FECH: variants seen among roughly 807,000 people sequenced by gnomAD.
FECH encodes the protein ferrochelatase, mitochondrial.
In FECH, 40 loss-of-function variants were observed where a neutral mutation model predicts 56.9. The observed-to-expected ratio is 0.70, with a 90% CI of 0.55 to 0.92. The LOEUF (loss-of-function observed/expected upper bound fraction) is 0.92. FECH is among the 40% of genes least tolerant of loss of function. FECH has a pLI of 0.00. For synonymous variants in FECH, 175 were observed against 198.6 expected (o/e 0.88, Z 1.00); for missense variants, 431 against 529.1 (o/e 0.81, Z 1.82).
At chr18:57,584,190 A>C (rs1002961141) in intron 1 of FECH, among the ~76,000 whole-genome samples, 11 of 151,912 alleles carry the variant, frequency 7.2e-5, no homozygotes, top group Middle Eastern at 3.2e-3. Flanking sequence ...AAAAAAAAAA[A>C]AAAAGAAAAC....
intron 4 of FECH, among the ~76,000 whole-genome samples, chr18:57,570,357 A>T (rs575964091): frequency 6.6e-6 from 1 of 152,350 alleles, no homozygotes; most frequent in Non-Finnish European, 1.5e-5. Flanking sequence ...AAGCAAGCCG[A>T]ATATGCAGAA....
rs908147708 is a variant in FECH at position 57,545,491 on chromosome 18, G to A, written c.*5221C>T. On this transcript the variant is annotated 3_prime_UTR_variant, in exon 11 of 11. Coordinates refer to ENST00000262093, the MANE Select transcript of FECH (RefSeq NM_000140.5). The stretch of plus-strand genomic sequence containing the variant: ...AAGCAAAAGCATTTCTTTCTCTCAC[G>A]GGACCCCAGAATAGGAGGAATGTGT... Among the ~76,000 whole-genome samples, 10 of 152,132 alleles carry A rather than the reference G, an allele frequency of 6.6e-5. No homozygotes were observed. The highest frequency in any genetic ancestry group is 1.3e-4 in the Non-Finnish European group (9 of 68,024).
intron 2 of FECH, among the ~76,000 whole-genome samples, chr18:57,579,436 T>C (rs960363121): frequency 1.2e-4 from 19 of 152,006 alleles, no homozygotes; most frequent in African/African-American, 4.6e-4. Context: ...GCTGTTTCTA[T>C]GTACTCATCT....
rs2051383453 is a variant in FECH at position 57,586,679 on chromosome 18, C to T, written c.-59G>A. ...TCCCGCGGCGGCGCGCCCAGGTGTC[C>T]GCCCAGCAGTGGCCGAGCCGGGTAG... On this transcript the variant is annotated 5_prime_UTR_variant, in exon 1 of 11. Transcript: ENST00000262093. The T allele has an allele frequency of 2.8e-6, 4 of 1,444,136 alleles. No homozygotes were observed. The highest frequency in any genetic ancestry group is 2.6e-5 in the South Asian group (2 of 77,096). The allele number at this position is 1,444,136 out of a possible 1,614,324, so 89.5% of individuals were successfully genotyped here. A position where few individuals can be genotyped will look rare whatever the true frequency, so the allele number is the denominator to read the frequency against.
rs1340326157 is a variant in FECH at position 57,573,384 on chromosome 18, A to G, written c.195-19T>C. 6.2e-7 allele frequency: 1 copy of G among 1,613,742 alleles called. No homozygotes were observed. The highest frequency in any genetic ancestry group is 1.3e-5 in the African/African-American group (1 of 74,902). On this transcript the variant is annotated intron_variant, in intron 2 of 10. Coordinates refer to ENST00000262093, the MANE Select transcript of FECH (RefSeq NM_000140.5). ...CGGCTTCCTATATAAAATAAAATACAACGGTTGATTTGTCACACTTCTTAT... is the reference window on the plus strand; with the variant it reads ...CGGCTTCCTATATAAAATAAAATACGACGGTTGATTTGTCACACTTCTTAT...
chr18:57,585,604 A>G lies in FECH; in HGVS notation c.67+950T>C. 1.3e-5 allele frequency among the ~76,000 whole-genome samples: 2 copies of G among 152,176 alleles called. 1 individual carries two copies. Among genetic ancestry groups the G allele is most frequent in the East Asian group, 3.9e-4 (2 of 5,190 alleles). On this transcript the variant is annotated intron_variant, in intron 1 of 10. Coordinates refer to ENST00000262093, the MANE Select transcript of FECH (RefSeq NM_000140.5). ...TCCTTAGTATTTTCCTAACAAAGGC[A>G]CGTCTAATGAGATATGGAGGTTCAG...
chr18:57,571,651 G>A (rs764732724), intron 3 of FECH, 111 bp from the exon 4 acceptor site: 1 of 1,513,434 alleles, frequency 6.6e-7, no homozygotes, highest in Admixed American at 1.8e-5. Context: ...AGCCTAACAA[G>A]ATTAAGCCTT....
intron 4 of FECH, among the ~76,000 whole-genome samples, chr18:57,569,249 C>A (rs2051061448): frequency 6.6e-6 from 1 of 152,144 alleles, no homozygotes; most frequent in Non-Finnish European, 1.5e-5. Flanking sequence ...TACATTTCTG[C>A]AATGCAATGT....
At chr18:57,558,047 G>C (rs982411843) in intron 7 of FECH, among the ~76,000 whole-genome samples, 2 of 152,248 alleles carry the variant, frequency 1.3e-5, no homozygotes, top group African/African-American at 2.4e-5. Context: ...AAAATCTGCA[G>C]AGGCTTGGCC....
Position 57,548,432 on chromosome 18 carries a change from CTCA to C in FECH, c.*2277_*2279del, listed in dbSNP as rs2050748555. The stretch of plus-strand genomic sequence containing the variant: ...TCATCACCCTGGCAAGCTAAACTGC[CTCA>C]TCAACACTGTCCCTGCAAAAGTTTC... On this transcript the variant is annotated 3_prime_UTR_variant, in exon 11 of 11. Transcript: ENST00000262093. The C allele has an allele frequency of 6.6e-6, 1 of 152,112 alleles. No homozygotes were observed. The highest frequency in any genetic ancestry group is 2.1e-4 in the South Asian group (1 of 4,820). 9.4% of individuals were successfully genotyped at this position (152,112 alleles called of 1,614,324 possible). A position where few individuals can be genotyped will look rare whatever the true frequency, so the allele number is the denominator to read the frequency against.
chr18:57,586,448 G>T, intron 1 of FECH, 106 bp downstream of exon 1: 2 of 1,263,142 alleles, frequency 1.6e-6, no homozygotes, highest in Non-Finnish European at 1.1e-6. Context: ...CCCCAAGGCC[G>T]CTCCCCGAAT....
At chr18:57,566,884 G>A (rs1179046909) in intron 4 of FECH, among the ~76,000 whole-genome samples, 1 of 152,028 alleles carries the variant, frequency 6.6e-6, no homozygotes, top group African/African-American at 2.4e-5. Context: ...AGAGCCTCAA[G>A]AGAAAGGAGG....
At position 57,544,795 on chromosome 18, in the gene FECH, C is replaced by A. The variant is rs1172996719; in HGVS notation, c.*5917G>T. Among the ~76,000 whole-genome samples, 1 of 152,038 alleles carries A rather than the reference C, an allele frequency of 6.6e-6. No individual in the cohort carries two copies. The highest frequency in any genetic ancestry group is 2.4e-5 in the African/African-American group (1 of 41,392). On this transcript the variant is annotated 3_prime_UTR_variant, in exon 11 of 11. Transcript: ENST00000262093. ...CGTTTTTCCCATCACTTTCTTAAGT[C>A]TAAATAATCAACGACAAAAAAAAGG...
intron 6 of FECH, 43 bp from the exon 7 acceptor site, chr18:57,559,286 A>G (rs746222451): frequency 2.3e-6 from 3 of 1,291,028 alleles, no homozygotes; most frequent in Admixed American, 1.7e-5. Flanking sequence ...GAAGGGAAGA[A>G]AGAAATGGAA....
intron 6 of FECH, among the ~76,000 whole-genome samples, chr18:57,561,498 T>C (rs983693294): frequency 2.6e-5 from 4 of 152,166 alleles, no homozygotes; most frequent in African/African-American, 9.7e-5. Context: ...TCTGCGGTAT[T>C]TTCTACTCCC....
intron 7 of FECH, among the ~76,000 whole-genome samples, chr18:57,557,227 T>A (rs2050880335): frequency 1.3e-5 from 2 of 152,300 alleles, no homozygotes; most frequent in South Asian, 4.1e-4. Flanking sequence ...ACTCTTTTAA[T>A]CAGTTTTCTG....
intron 4 of FECH, among the ~76,000 whole-genome samples, chr18:57,570,240 T>C (rs761886404): frequency 3.3e-5 from 5 of 152,220 alleles, no homozygotes; most frequent in Non-Finnish European, 5.9e-5. Flanking sequence ...CTGGAGTTTG[T>C]TCTCTAGTAA....
Position 57,550,293 on chromosome 18 carries a change from T to TA in FECH, c.*418dup, listed in dbSNP as rs1231849989. ...CTTCAAATACTCAACTGTGTTCATT[T>TA]AAAAAACAGCAACTATATGCACGAG... On this transcript the variant is annotated 3_prime_UTR_variant, in exon 11 of 11. Coordinates refer to ENST00000262093, the MANE Select transcript of FECH (RefSeq NM_000140.5). The TA allele has an allele frequency of 6.2e-6, 1 of 162,460 alleles. No individual in the cohort carries two copies. Among genetic ancestry groups the TA allele is most frequent in the African/African-American group, 2.4e-5 (1 of 41,656 alleles). The allele number at this position is 162,460 out of a possible 1,614,324, so 10.1% of individuals were successfully genotyped here.
intron 7 of FECH, among the ~76,000 whole-genome samples, chr18:57,558,924 AAAAAG>A (rs1350820882): frequency 1.3e-5 from 2 of 151,862 alleles, no homozygotes; most frequent in East Asian, 3.9e-4. Context: ...CTGTTTCAAA[AAAAAG>A]AAAAGAGGAA....
Sources: gnomAD v4.1 joint callset for allele counts (sites outside exome capture counted in the v4.1 genomes callset) on GRCh38, gnomAD v4.1.1 for gene constraint, MANE v1.5 for transcripts, NCBI Gene and HGNC (gene_info 2026-07-23, HGNC 2026-07-21) for gene names.